SVIL: variants seen among roughly 807,000 people sequenced by gnomAD.
The protein encoded by SVIL is supervillin.
SVIL carries 101 observed loss-of-function variants against 240.4 expected under a neutral mutation model. The ratio of observed to expected loss-of-function variants is 0.42; its 90% CI spans 0.36 to 0.50. The LOEUF is 0.50. Ranked by LOEUF, SVIL falls within the 20% of genes least tolerant of loss-of-function variation. The pLI, the probability that SVIL is intolerant of heterozygous loss-of-function variation, is 0.01. For synonymous variants in SVIL, 999 were observed against 1,100.0 expected (o/e 0.91, Z 1.82); for missense variants, 2,512 against 2,818.7 (o/e 0.89, Z 2.46).
intron 2 of SVIL, among the ~76,000 whole-genome samples, chr10:29,677,408 C>T (rs908378918): frequency 6.6e-6 from 1 of 152,068 alleles, no homozygotes; most frequent in African/African-American, 2.4e-5. Flanking sequence ...CAGTGCTGCT[C>T]GGAATAACAC....
chr10:29,679,616 G>A (rs974370765), intron 2 of SVIL, among the ~76,000 whole-genome samples: 7 of 149,484 alleles, frequency 4.7e-5, no homozygotes, highest in Non-Finnish European at 7.4e-5. Context: ...GTGCAGTGGC[G>A]CTGATCACGG....
chr10:29,547,994 C>G (rs1407737269), intron 6 of SVIL, among the ~76,000 whole-genome samples: 1 of 152,198 alleles, frequency 6.6e-6, no homozygotes, highest in African/African-American at 2.4e-5. Context: ...AAAAGACCTT[C>G]ATTTCAAAAT....
intron 13 of SVIL, among the ~76,000 whole-genome samples, chr10:29,526,163 C>T (rs1386251808): frequency 6.6e-6 from 1 of 152,072 alleles, no homozygotes; most frequent in Non-Finnish European, 1.5e-5. Flanking sequence ...ATGGCATTGA[C>T]TCTATAAATT....
At chr10:29,685,946 A>G (rs117891891) in intron 2 of SVIL, among the ~76,000 whole-genome samples, 2 of 152,290 alleles carry the variant, frequency 1.3e-5, no homozygotes, top group Non-Finnish European at 2.9e-5. Context: ...AGGCCAGGCA[A>G]CCCATTCATT....
chr10:29,729,429 C>T (rs1964470051), intron 1 of SVIL, among the ~76,000 whole-genome samples: 1 of 147,726 alleles, frequency 6.8e-6, no homozygotes, highest in Non-Finnish European at 1.5e-5. Flanking sequence ...AGTAGCCATG[C>T]TGGGCCTCTG....
intron 29 of SVIL, among the ~76,000 whole-genome samples, chr10:29,479,597 G>C (rs1278815215): frequency 6.6e-6 from 1 of 152,172 alleles, no homozygotes; most frequent in East Asian, 1.9e-4. Flanking sequence ...ATATTTACTT[G>C]GTCCCTACAA....
intron 36 of SVIL, chr10:29,458,866 G>A (rs931106799): frequency 1.5e-4 from 32 of 208,678 alleles, no homozygotes; most frequent in African/African-American, 7.2e-4. Context: ...GAGTGCAGTG[G>A]TGCAATCATA....
chr10:29,487,324 G>C, intron 23 of SVIL, 25 bp from the exon 24 acceptor site: 2 of 1,613,520 alleles, frequency 1.2e-6, no homozygotes, highest in South Asian at 2.2e-5. Flanking sequence ...GACAGTCACC[G>C]TCTTTCCAGA....
At chr10:29,679,167 T>C (rs1362045808) in intron 2 of SVIL, among the ~76,000 whole-genome samples, 6 of 152,154 alleles carry the variant, frequency 3.9e-5, no homozygotes, top group African/African-American at 1.4e-4. Context: ...ATTGTGCCAC[T>C]GCAATCCAGC....
intron 3 of SVIL, among the ~76,000 whole-genome samples, chr10:29,651,493 T>C (rs377539497): frequency 8.5e-5 from 13 of 152,274 alleles, no homozygotes; most frequent in African/African-American, 2.6e-4. Context: ...AGGACTTACT[T>C]TGTGCCTGAG....
upstream of SVIL, among the ~76,000 whole-genome samples, chr10:29,638,108 C>T (rs928911560): frequency 1.3e-5 from 2 of 152,092 alleles, no homozygotes; most frequent in African/African-American, 4.8e-5. Context: ...GGGTAAAAAG[C>T]CCTCATGATC....
intron 1 of SVIL, chr10:29,697,896 A>G: frequency 2.0e-6 from 1 of 490,518 alleles, no homozygotes; most frequent in Admixed American, 3.9e-5. Context: ...AGGGATATAA[A>G]TATTCAGGAG....
At position 29,529,755 on chromosome 10, in the gene SVIL, G is replaced by A; in HGVS notation, c.2196C>T (p.Asp732=). The A allele has an allele frequency of 4.3e-6, 7 of 1,613,826 alleles. No homozygotes were observed. The highest frequency in any genetic ancestry group is 5.9e-6 in the Non-Finnish European group (7 of 1,179,874). The change falls in exon 12 of 38, where the codon GAC becomes GAT. Residue 732 remains aspartate (D), a synonymous_variant. Transcript: ENST00000355867. ...TGGTGATGGGCTGGGTGAGGGACCT[G>A]TCCTGCAGACGGCGTAGCCTCTGCT... ...AVEQRLRRLQ[D]RSLTQPITTE...
intron 3 of SVIL, among the ~76,000 whole-genome samples, chr10:29,559,839 T>C (rs745772225): frequency 2.0e-5 from 3 of 152,226 alleles, no homozygotes; most frequent in South Asian, 4.1e-4. Context: ...AGCAGAGCTA[T>C]AATACTTCAT....
At chr10:29,536,852 A>G (rs1049726919) in intron 6 of SVIL, among the ~76,000 whole-genome samples, 4 of 145,434 alleles carry the variant, frequency 2.8e-5, no homozygotes, top group Non-Finnish European at 6.0e-5. Context: ...TGGAGGTTGC[A>G]GTGAGCCGAG....
At chr10:29,676,970 C>T (rs940993505) in intron 2 of SVIL, among the ~76,000 whole-genome samples, 67 of 152,216 alleles carry the variant, frequency 4.4e-4, no homozygotes, top group African/African-American at 1.3e-3. Context: ...CACTTACTTA[C>T]GGACATTTCT....
intron 27 of SVIL, among the ~76,000 whole-genome samples, chr10:29,482,021 CT>C (rs35856299): frequency 3.7e-4 from 42 of 113,458 alleles, no homozygotes; most frequent in Non-Finnish European, 5.1e-4. Context: ...CTTTTCTTTT[CT>C]TTTTTTTTTT....
At chr10:29,709,452 T>C (rs1014795175) in intron 1 of SVIL, among the ~76,000 whole-genome samples, 5 of 152,250 alleles carry the variant, frequency 3.3e-5, no homozygotes, top group African/African-American at 1.2e-4. Flanking sequence ...ATGTGTTACC[T>C]CTCAGCTGCA....
chr10:29,587,493 A>G (rs976858099), intron 1 of SVIL, among the ~76,000 whole-genome samples: 27 of 152,208 alleles, frequency 1.8e-4, no homozygotes, highest in African/African-American at 6.5e-4. Flanking sequence ...ACCCTGTGCC[A>G]AAAACTCTTC....
Sources: allele counts gnomAD v4.1 joint callset (sites outside exome capture counted in the v4.1 genomes callset), GRCh38; gene constraint gnomAD v4.1.1; transcripts MANE v1.5; gene names NCBI Gene and HGNC (gene_info 2026-07-23, HGNC 2026-07-21).